LITAF: variants seen among roughly 807,000 people sequenced by gnomAD.
LITAF encodes the protein lipopolysaccharide induced TNF factor.
In LITAF, 9 loss-of-function variants were observed where a neutral mutation model predicts 14.5. The observed-to-expected ratio is 0.62, with a 90% CI of 0.37 to 1.08. The LOEUF is 1.08. LITAF is among the 50% of genes least tolerant of loss of function. LITAF has a pLI of 0.01. For synonymous variants in LITAF, 98 were observed against 88.2 expected (o/e 1.11, Z -0.62); for missense variants, 206 against 213.4 (o/e 0.97, Z 0.22).
upstream of LITAF, chr16:11,636,408 A>G (rs11640441): frequency 0.35 from 53,457 of 152,184 alleles, 10,926 homozygotes; most frequent in African/African-American, 0.57. Context: ...AAGGTTTTAC[A>G]GATGAGCTTG....
rs2064157639 is a variant in LITAF, at chr16:11,549,799, A to G, written c.378-54T>C. Reference sequence around the variant, plus strand: ...CGTTACTGATCACAACAGGGTGAACACTGGCTGCCAAAACCATGTTCATGT... The same window carrying G: ...CGTTACTGATCACAACAGGGTGAACGCTGGCTGCCAAAACCATGTTCATGT... On this transcript the variant is annotated intron_variant, in intron 3 of 3. Coordinates refer to ENST00000622633, the MANE Select transcript of LITAF (RefSeq NM_001136472.2). This position sits in a 1 kb window ranked among gnomAD's most constrained non-coding sequence, Gnocchi z 4.6. 7.2e-7 allele frequency: 1 copy of G among 1,389,372 alleles called. No individual in the cohort carries two copies. Among genetic ancestry groups the G allele is most frequent in the East Asian group, 2.4e-5 (1 of 41,880 alleles). 86.1% of individuals were successfully genotyped at this position (1,389,372 alleles called of 1,614,324 possible).
chr16:11,548,042 C>T lies in LITAF; in HGVS notation c.*1595G>A, dbSNP rs1031383822. ...CTTTATTTTTCAAAAGCAGGTAACA[C>T]CAAAGTACTATGTGGTATCCATATT... is the stretch of plus-strand genomic sequence containing the variant. On this transcript the variant is annotated 3_prime_UTR_variant, in exon 4 of 4. Transcript: ENST00000622633. The T allele has an allele frequency of 2.2e-6, 1 of 454,020 alleles. No individual in the cohort carries two copies. The highest frequency in any genetic ancestry group is 4.4e-6 in the Non-Finnish European group (1 of 226,760). The allele number at this position is 454,020 out of a possible 1,614,324, so 28.1% of individuals were successfully genotyped here. A position where few individuals can be genotyped will look rare whatever the true frequency, so the allele number is the denominator to read the frequency against.
chr16:11,598,922 C>T (rs936498130), upstream of LITAF, among the ~76,000 whole-genome samples: 13 of 151,650 alleles, frequency 8.6e-5, no homozygotes, highest in Non-Finnish European at 1.5e-4. Flanking sequence ...CGGGTTCAAG[C>T]GATTCTCCTG....
At chr16:11,620,178 AAAAAAG>A (rs1427549378) in intron 3 of LITAF, among the ~76,000 whole-genome samples, 4 of 151,734 alleles carry the variant, frequency 2.6e-5, no homozygotes, top group African/African-American at 9.7e-5. Context: ...AAAAAAAAAA[AAAAAAG>A]AAAAGAAAAG....
upstream of LITAF, chr16:11,587,526 G>C: frequency 9.1e-6 from 4 of 441,632 alleles, no homozygotes; most frequent in South Asian, 6.4e-5. Flanking sequence ...TCCTAAGACC[G>C]ACTGGGAGTG....
rs1567235476 is a variant in LITAF at position 11,553,587 on chromosome 16, G to C, written c.323C>G (p.Ser108Cys). 1 of 1,614,160 alleles carries C rather than the reference G, an allele frequency of 6.2e-7. No individual in the cohort carries two copies. The highest frequency in any genetic ancestry group is 8.5e-7 in the Non-Finnish European group (1 of 1,180,032). The change falls in exon 3 of 4, where the codon TCC (serine) becomes TGC (cysteine). Residue 108 changes from serine to cysteine, a missense_variant. Transcript: ENST00000622633. The surrounding 1 kb of genome is among the most constrained non-coding windows in gnomAD (Gnocchi z 7.7). The stretch of plus-strand genomic sequence containing the variant: ...CCAGGTCAGAGCACCGGCGTTATAG[G>C]ACAGCTGACTCACGATCATCTTGTT... ...SCNKMIVSQL[S>C]YNAGALTWLS...
intron 3 of LITAF, among the ~76,000 whole-genome samples, chr16:11,616,016 A>G (rs2065017502): frequency 6.6e-6 from 1 of 152,170 alleles, no homozygotes; most frequent in Non-Finnish European, 1.5e-5. Context: ...AAACCTTGAT[A>G]AGAACCACTA....
intron 3 of LITAF, chr16:11,551,859 A>G: frequency 2.0e-6 from 1 of 495,694 alleles, no homozygotes; most frequent in South Asian, 2.9e-5. Flanking sequence ...TTTCTATTCC[A>G]TCTTTCCCTG....
At position 11,549,881 on chromosome 16, in the gene LITAF, T is replaced by A; in HGVS notation, c.378-136A>T. Reference sequence around the variant, plus strand: ...AATTAGGAATTTTGAGATGGGATCATCTTGGATTATCCAGGCGGACCCCTA... The same window carrying A: ...AATTAGGAATTTTGAGATGGGATCAACTTGGATTATCCAGGCGGACCCCTA... On this transcript the variant is annotated intron_variant, in intron 3 of 3. Coordinates refer to ENST00000622633, the MANE Select transcript of LITAF (RefSeq NM_001136472.2). This position sits in a 1 kb window ranked among gnomAD's most constrained non-coding sequence, Gnocchi z 4.6. 1.4e-6 allele frequency: 1 copy of A among 717,732 alleles called. No individual in the cohort carries two copies. The highest frequency in any genetic ancestry group is 1.5e-5 in the South Asian group (1 of 67,330). The allele number at this position is 717,732 out of a possible 1,614,324, so 44.5% of individuals were successfully genotyped here.
intron 1 of LITAF, among the ~76,000 whole-genome samples, chr16:11,565,248 A>G (rs966655395): frequency 3.3e-5 from 5 of 151,576 alleles, no homozygotes; most frequent in African/African-American, 1.2e-4. Flanking sequence ...ACACCCGGCT[A>G]ATTTTTATAT....
intron 1 of LITAF, among the ~76,000 whole-genome samples, chr16:11,567,116 C>T (rs1035986947): frequency 2.6e-5 from 4 of 152,108 alleles, no homozygotes; most frequent in Non-Finnish European, 5.9e-5. Context: ...GAGATCAAGT[C>T]GGGATAAAAC....
chr16:11,619,100 C>T (rs1294035883), intron 3 of LITAF, among the ~76,000 whole-genome samples: 1 of 151,932 alleles, frequency 6.6e-6, no homozygotes, highest in Non-Finnish European at 1.5e-5. Flanking sequence ...CACTTGAGGT[C>T]AGGAGTTCGA....
chr16:11,554,693 C>G (rs1445237628), intron 2 of LITAF, among the ~76,000 whole-genome samples: 1 of 147,502 alleles, frequency 6.8e-6, no homozygotes, highest in Non-Finnish European at 1.5e-5. Flanking sequence ...GAGGCTGAGG[C>G]AGGAGAATTG....
At chr16:11,630,947 T>C (rs953498183) in intron 3 of LITAF, among the ~76,000 whole-genome samples, 1 of 152,142 alleles carries the variant, frequency 6.6e-6, no homozygotes, top group Non-Finnish European at 1.5e-5. Flanking sequence ...TGCATAGCAG[T>C]AGCCACGATA....
At chr16:11,579,879 G>C (rs1371030929) in intron 1 of LITAF, among the ~76,000 whole-genome samples, 1 of 152,208 alleles carries the variant, frequency 6.6e-6, no homozygotes, top group African/African-American at 2.4e-5. Context: ...CAGGAGACTA[G>C]AACATGTCAC....
intron 1 of LITAF, among the ~76,000 whole-genome samples, chr16:11,565,042 C>T (rs1240481483): frequency 1.4e-5 from 2 of 143,004 alleles, no homozygotes; most frequent in African/African-American, 2.6e-5. Context: ...CTTGCTCTGT[C>T]GCTCAGGCTG....
At chr16:11,606,186 T>C (rs2064954198) in intron 3 of LITAF, among the ~76,000 whole-genome samples, 1 of 152,090 alleles carries the variant, frequency 6.6e-6, no homozygotes, top group Non-Finnish European at 1.5e-5. Flanking sequence ...TTTAATTTTT[T>C]GAGATAAGGT....
intron 1 of LITAF, among the ~76,000 whole-genome samples, chr16:11,581,467 C>T (rs567365481): frequency 6.6e-6 from 1 of 152,048 alleles, no homozygotes; most frequent in Non-Finnish European, 1.5e-5. Flanking sequence ...GGTAACATGG[C>T]GAAACCCTGT....
upstream of LITAF, chr16:11,587,249 C>A: frequency 2.6e-6 from 1 of 389,598 alleles, no homozygotes; most frequent in Non-Finnish European, 5.1e-6. Context: ...GACAGCCTGG[C>A]CCTCCCTCCT....
Sources: allele counts gnomAD v4.1 joint callset (sites outside exome capture counted in the v4.1 genomes callset), GRCh38; gene constraint gnomAD v4.1.1; non-coding constraint Gnocchi (gnomAD v3.1); transcripts MANE v1.5; gene names NCBI Gene and HGNC (gene_info 2026-07-23, HGNC 2026-07-21).